Variants in PTPRZ1 observed in about 807,000 individuals in gnomAD.
The protein encoded by PTPRZ1 is protein tyrosine phosphatase receptor type Z1, also known as receptor-type tyrosine-protein phosphatase zeta.
In PTPRZ1, 82 loss-of-function variants were observed where a neutral mutation model predicts 214.1. The ratio of observed to expected loss-of-function variants is 0.38; its 90% CI spans 0.32 to 0.46. The LOEUF is 0.46. PTPRZ1 is among the 20% of genes least tolerant of loss of function. The pLI is 1.00. For synonymous variants in PTPRZ1, 945 were observed against 987.9 expected (o/e 0.96, Z 0.81); for missense variants, 2,603 against 2,748.7 (o/e 0.95, Z 1.19).
chr7:121,947,683 A>G (rs1177692718), intron 2 of PTPRZ1, among the ~76,000 whole-genome samples: 1 of 152,220 alleles, frequency 6.6e-6, no homozygotes, highest in Non-Finnish European at 1.5e-5. Context: ...TAACTAAAAT[A>G]AATGGAAGCA....
intron 17 of PTPRZ1, among the ~76,000 whole-genome samples, chr7:122,035,165 G>A (rs1799498803): frequency 1.3e-5 from 2 of 152,068 alleles, no homozygotes; most frequent in African/African-American, 4.8e-5. Context: ...ATAGGACCAT[G>A]GTATTACCAA....
rs768649360 is a variant in PTPRZ1, at chr7:122,038,868, A to C, written c.5481A>C (p.Thr1827=). ...EHNVEVIVMI[T]NLVEKGRRKC... ...ATGTGGAAGTTATTGTCATGATAAC[A>C]AACCTCGTGGAGAAAGGAAGGGTAT... The change falls in exon 19 of 30, where the codon ACA becomes ACC. Residue 1827 remains threonine (T), a synonymous_variant. Transcript: ENST00000393386. 1.9e-5 allele frequency: 31 copies of C among 1,613,846 alleles called. No homozygotes were observed. The highest frequency in any genetic ancestry group is 1.6e-4 in the South Asian group (15 of 91,072).
intron 26 of PTPRZ1, 109 bp downstream of exon 26, chr7:122,054,147 TAAACTAA>T: frequency 8.1e-7 from 1 of 1,238,050 alleles, no homozygotes; most frequent in South Asian, 1.5e-5. Flanking sequence ...TTTCAACTAA[TAAACTAA>T]TGTCATTGAA....
Position 122,013,549 on chromosome 7 carries a change from T to C in PTPRZ1, c.4503T>C (p.Ser1501=). ...SSDSQTGMDR[S]PGKSPSANGL... ...ACAGTCAAACTGGTATGGACAGAAG[T>C]CCTGGTAAATCACCATCAGCAAATG... The change falls in exon 12 of 30, where the codon AGT becomes AGC. Residue 1501 remains serine (S), a synonymous_variant. Transcript: ENST00000393386. The C allele has an allele frequency of 6.2e-7, 1 of 1,614,106 alleles. No individual in the cohort carries two copies.
chr7:122,027,938 C>T (rs1214726148), intron 13 of PTPRZ1, among the ~76,000 whole-genome samples: 5 of 152,130 alleles, frequency 3.3e-5, no homozygotes, highest in African/African-American at 1.2e-4. Flanking sequence ...TTCTGTCACT[C>T]CTGCATTATT....
intron 13 of PTPRZ1, among the ~76,000 whole-genome samples, chr7:122,024,677 G>A (rs956605672): frequency 9.2e-5 from 14 of 151,822 alleles, no homozygotes; most frequent in African/African-American, 3.4e-4. Context: ...GGGTTATTGG[G>A]CTACTTATTT....
chr7:121,985,889 A>G (rs914953397), intron 8 of PTPRZ1, among the ~76,000 whole-genome samples: 5 of 152,232 alleles, frequency 3.3e-5, no homozygotes, highest in Non-Finnish European at 4.4e-5. Context: ...GAGCCCCATA[A>G]TGGAAGTAAA....
At chr7:121,960,924 C>T (rs551086244) in intron 2 of PTPRZ1, among the ~76,000 whole-genome samples, 3 of 151,416 alleles carry the variant, frequency 2.0e-5, no homozygotes, top group South Asian at 2.1e-4. Flanking sequence ...GTGCTAACTA[C>T]GGTTATCTCA....
intron 2 of PTPRZ1, among the ~76,000 whole-genome samples, chr7:121,937,915 T>G (rs67908828): frequency 0.19 from 29,606 of 152,064 alleles, 3,047 homozygotes; most frequent in Admixed American, 0.23. Flanking sequence ...GTATTGTAAG[T>G]GCCAATCTGA....
At chr7:122,053,563 T>C in intron 25 of PTPRZ1, among the ~76,000 whole-genome samples, 1 of 152,194 alleles carries the variant, frequency 6.6e-6, no homozygotes, top group East Asian at 1.9e-4. Flanking sequence ...CACTACAAGA[T>C]GATAGGTAAC....
chr7:121,950,016 C>A (rs1196489), intron 2 of PTPRZ1, among the ~76,000 whole-genome samples: 142,145 of 152,218 alleles, frequency 0.93, 66,646 homozygotes, highest in South Asian at 0.99. Context: ...GACATACCCG[C>A]GACTAAGCAA....
intron 4 of PTPRZ1, among the ~76,000 whole-genome samples, chr7:121,974,442 C>T (rs976741313): frequency 2.0e-5 from 3 of 152,038 alleles, no homozygotes; most frequent in East Asian, 1.9e-4. Flanking sequence ...TATTTTAATG[C>T]AAAAGCCTCT....
At chr7:121,925,564 G>T (rs780942699) in intron 1 of PTPRZ1, among the ~76,000 whole-genome samples, 87 of 152,234 alleles carry the variant, frequency 5.7e-4, no homozygotes, top group Non-Finnish European at 1.1e-3. Flanking sequence ...TTTACTCAAG[G>T]CTGTTGCAGT....
chr7:121,918,752 C>A (rs556554960), intron 1 of PTPRZ1, among the ~76,000 whole-genome samples: 28 of 151,806 alleles, frequency 1.8e-4, no homozygotes, highest in African/African-American at 4.8e-4. Context: ...AAATAAAAAT[C>A]ACTCCCAATG....
intron 1 of PTPRZ1, among the ~76,000 whole-genome samples, chr7:121,892,172 G>A (rs1051867464): frequency 6.6e-6 from 1 of 152,070 alleles, no homozygotes; most frequent in Non-Finnish European, 1.5e-5. Context: ...TTGAAGTGTT[G>A]TTAGATAACT....
At chr7:121,877,492 C>T (rs145845944) in intron 1 of PTPRZ1, among the ~76,000 whole-genome samples, 1 of 152,282 alleles carries the variant, frequency 6.6e-6, no homozygotes, top group African/African-American at 2.4e-5. Context: ...TTTTTACCAT[C>T]TTGAAAGTTT....
At chr7:122,049,080 A>G (rs1792092052) in intron 23 of PTPRZ1, among the ~76,000 whole-genome samples, 2 of 152,132 alleles carry the variant, frequency 1.3e-5, no homozygotes, top group Non-Finnish European at 2.9e-5. Flanking sequence ...AGATTTACAT[A>G]AAGAAACATT....
chr7:121,921,404 A>C (rs1316814666), intron 1 of PTPRZ1, among the ~76,000 whole-genome samples: 1 of 152,118 alleles, frequency 6.6e-6, no homozygotes, highest in East Asian at 1.9e-4. Context: ...ATTTAATTGG[A>C]TGTCTCACTA....
At chr7:122,022,828 T>G (rs76410791) in intron 13 of PTPRZ1, among the ~76,000 whole-genome samples, 216 of 152,284 alleles carry the variant, frequency 1.4e-3, no homozygotes, top group African/African-American at 4.2e-3. Context: ...AAACTTTAAT[T>G]GAAAGCTACA....
Sources: gnomAD v4.1 joint callset for allele counts (sites outside exome capture counted in the v4.1 genomes callset) on GRCh38, gnomAD v4.1.1 for gene constraint, MANE v1.5 for transcripts, NCBI Gene and HGNC (gene_info 2026-07-23, HGNC 2026-07-21) for gene names.